ZFAT: variants seen among roughly 807,000 people sequenced by gnomAD.
The protein encoded by ZFAT is zinc finger and AT-hook domain containing.
ZFAT carries 64 observed loss-of-function variants against 117.7 expected under a neutral mutation model. The observed-to-expected ratio is 0.54, with a 90% confidence interval of 0.44 to 0.67. The LOEUF (loss-of-function observed/expected upper bound fraction) is 0.67. Among genes scored for constraint, ZFAT ranks in the 30% least tolerant of loss-of-function variants. The pLI is 0.00. For missense variants in ZFAT, 1,433 were observed against 1,584.5 expected (o/e 0.90, Z 1.62); for synonymous variants, 679 against 615.0 (o/e 1.10, Z -1.54).
the ZFAT span, among the ~76,000 whole-genome samples, chr8:134,725,507 C>T: frequency 6.6e-6 from 1 of 152,054 alleles, no homozygotes. Context: ...ACACGCTTTT[C>T]TACAGCCAGA....
At chr8:134,565,184 A>G (rs889327837) in intron 11 of ZFAT, 149 bp downstream of exon 11, 7 of 1,536,072 alleles carry the variant, frequency 4.6e-6, no homozygotes, top group East Asian at 4.9e-5. Flanking sequence ...AAGCTGCACT[A>G]TGCCTCAGAC....
intron 11 of ZFAT, among the ~76,000 whole-genome samples, chr8:134,545,998 G>T (rs1822662852): frequency 6.6e-6 from 1 of 152,208 alleles, no homozygotes; most frequent in Non-Finnish European, 1.5e-5. Flanking sequence ...CGACTATAGA[G>T]AACTTACATT....
intron 14 of ZFAT, among the ~76,000 whole-genome samples, chr8:134,512,144 A>T (rs12544353): frequency 0.11 from 16,990 of 152,282 alleles, 1,223 homozygotes; most frequent in Admixed American, 0.22. Flanking sequence ...AACCATTAAC[A>T]ATGAAAAGCA....
At chr8:134,790,667 T>C in the ZFAT span, among the ~76,000 whole-genome samples, 1 of 152,210 alleles carries the variant, frequency 6.6e-6, no homozygotes, top group South Asian at 2.1e-4. Context: ...CATGAATTAC[T>C]TTCAATTTTC....
chr8:134,590,787 GCCACCATCACCA>G (rs983604849), intron 7 of ZFAT, among the ~76,000 whole-genome samples: 8 of 120,972 alleles, frequency 6.6e-5, no homozygotes, highest in East Asian at 5.4e-4. Flanking sequence ...AACCAGCACT[GCCACCATCACCA>G]CCACCACCAC....
At chr8:134,762,845 C>T in the ZFAT span, among the ~76,000 whole-genome samples, 1 of 152,164 alleles carries the variant, frequency 6.6e-6, no homozygotes, top group African/African-American at 2.4e-5. Flanking sequence ...CCTGCTTTTT[C>T]CCAGTCCTCC....
intron 11 of ZFAT, among the ~76,000 whole-genome samples, chr8:134,564,388 A>C (rs1824272952): frequency 6.6e-6 from 1 of 152,152 alleles, no homozygotes; most frequent in South Asian, 2.1e-4. Context: ...AGGACTTAGT[A>C]ATTGCTTTAA....
chr8:134,578,070 G>T (rs866386735), intron 10 of ZFAT, among the ~76,000 whole-genome samples: 2 of 152,058 alleles, frequency 1.3e-5, no homozygotes, highest in African/African-American at 4.8e-5. Flanking sequence ...GGAGGGAAGG[G>T]CCAAAGCAAA....
At chr8:134,765,420 T>C in the ZFAT span, 2 of 152,192 alleles carry the variant, frequency 1.3e-5, no homozygotes, top group African/African-American at 4.8e-5. Flanking sequence ...AATTACACTA[T>C]GGAAATTAGC....
At chr8:134,577,388 G>A (rs1304653942) in intron 10 of ZFAT, among the ~76,000 whole-genome samples, 2 of 152,164 alleles carry the variant, frequency 1.3e-5, no homozygotes, top group East Asian at 1.9e-4. Context: ...AAGGGTAATT[G>A]TAATTATTCA....
intron 10 of ZFAT, among the ~76,000 whole-genome samples, chr8:134,575,605 G>A (rs909276717): frequency 3.3e-5 from 5 of 152,140 alleles, no homozygotes; most frequent in Non-Finnish European, 7.4e-5. Flanking sequence ...CAGGAGTCAC[G>A]GGGAAACATG....
rs141339908 is a variant in ZFAT, at chr8:134,648,998, A to G, written c.196+8563T>C. Among the ~76,000 whole-genome samples, 6 of 152,256 alleles carry G rather than the reference A, an allele frequency of 3.9e-5. No homozygotes were observed. In the East Asian group the frequency reaches 1.2e-3, roughly 29 times the overall value. ...GCATGTAAAAACATCAGTGTAATAT[A>G]CCATATTAATACAACAAATAAGAAA... On this transcript the variant is annotated intron_variant, in intron 2 of 15. Transcript: ENST00000377838.
At chr8:134,721,823 C>G in the ZFAT span, among the ~76,000 whole-genome samples, 1 of 152,196 alleles carries the variant, frequency 6.6e-6, no homozygotes, top group Non-Finnish European at 1.5e-5. Flanking sequence ...GCAGCAGGGA[C>G]GGACTCACCT....
At chr8:134,588,452 T>C (rs554138140) in intron 8 of ZFAT, 57 bp from the exon 9 acceptor site, 2 of 1,498,704 alleles carry the variant, frequency 1.3e-6, no homozygotes, top group South Asian at 1.3e-5. Flanking sequence ...AAGTTAGACA[T>C]AAATAAACCT....
chr8:134,724,321 A>C, the ZFAT span, among the ~76,000 whole-genome samples: 1 of 152,190 alleles, frequency 6.6e-6, no homozygotes, highest in Non-Finnish European at 1.5e-5. Flanking sequence ...AATGGAACAC[A>C]GGTGACCCAG....
chr8:134,725,966 T>C, the ZFAT span, among the ~76,000 whole-genome samples: 1 of 152,168 alleles, frequency 6.6e-6, no homozygotes, highest in Admixed American at 6.5e-5. Flanking sequence ...AGTGGACTTA[T>C]TCCATTAACT....
At chr8:134,519,786 T>A (rs1305984700) in intron 13 of ZFAT, among the ~76,000 whole-genome samples, 1 of 152,220 alleles carries the variant, frequency 6.6e-6, no homozygotes, top group East Asian at 1.9e-4. Context: ...CTCTAGTGTT[T>A]CCCAGTGAAG....
chr8:134,612,476 G>A (rs1235053986), intron 3 of ZFAT, among the ~76,000 whole-genome samples: 1 of 152,202 alleles, frequency 6.6e-6, no homozygotes, highest in Admixed American at 6.5e-5. Context: ...TCTTTCTTAG[G>A]GAGGCAGGCT....
chr8:134,688,506 GA>G (rs1454028098), intron 1 of ZFAT, among the ~76,000 whole-genome samples: 1 of 152,154 alleles, frequency 6.6e-6, no homozygotes, highest in African/African-American at 2.4e-5. Context: ...CAAATCCCAA[GA>G]ACTGAGAAAA....
Sources: gnomAD v4.1 joint callset for allele counts (sites outside exome capture counted in the v4.1 genomes callset) on GRCh38, gnomAD v4.1.1 for gene constraint, MANE v1.5 for transcripts, NCBI Gene and HGNC (gene_info 2026-07-23, HGNC 2026-07-21) for gene names.